VAMP3: variants seen among roughly 807,000 people sequenced by gnomAD.
VAMP3 encodes vesicle associated membrane protein 3, also known as vesicle-associated membrane protein 3.
VAMP3 carries 11 observed loss-of-function variants against 18.1 expected under a neutral mutation model. The observed-to-expected ratio is 0.61, with a 90% confidence interval of 0.38 to 1.00. The LOEUF (loss-of-function observed/expected upper bound fraction) is 1.00. VAMP3 is among the 50% of genes least tolerant of loss of function. The probability of loss-of-function intolerance (pLI) is 0.01; values close to 1 mark genes in which losing one functional copy is unlikely to be tolerated. For synonymous variants in VAMP3, 49 were observed against 43.1 expected (o/e 1.14, Z -0.53); for missense variants, 122 against 127.3 (o/e 0.96, Z 0.20).
rs541088448 is a variant in VAMP3 at position 7,771,369 on chromosome 1, G to A, written c.-15G>A. 1.6e-5 allele frequency: 25 copies of A among 1,592,650 alleles called. No individual in the cohort carries two copies. In the South Asian group the frequency reaches 2.1e-4, roughly 13 times the overall value. ...ACCCTCTCTCGTCGCCGCTGCCGCC[G>A]CCGCAGCTGCCAAAATGTGAGTGAC... On this transcript the variant is annotated 5_prime_UTR_variant, in exon 1 of 5. Transcript: ENST00000054666.
At chr1:7,775,725 T>C (rs1044016022) in intron 2 of VAMP3, among the ~76,000 whole-genome samples, 11 of 152,360 alleles carry the variant, frequency 7.2e-5, no homozygotes, top group South Asian at 4.1e-4. Context: ...TTGTTGTTCT[T>C]GATTTTGGTA....
At chr1:7,779,547 T>C in intron 4 of VAMP3, 79 bp from the exon 5 acceptor site, 2 of 1,594,398 alleles carry the variant, frequency 1.3e-6, no homozygotes, top group Non-Finnish European at 8.6e-7. Context: ...GACTGCAGCA[T>C]TGGATGTTGG....
At chr1:7,771,719 G>A (rs1304519280) in intron 1 of VAMP3, among the ~76,000 whole-genome samples, 1 of 152,224 alleles carries the variant, frequency 6.6e-6, no homozygotes, top group Non-Finnish European at 1.5e-5. Flanking sequence ...GACAGCCCTG[G>A]TTCGGGAGCG....
Position 7,779,789 on chromosome 1 carries a change from CT to C in VAMP3, c.*147del. 1 of 1,158,892 alleles carries C rather than the reference CT, an allele frequency of 8.6e-7. No homozygotes were observed. Among genetic ancestry groups the C allele is most frequent in the Non-Finnish European group, 1.2e-6 (1 of 815,032 alleles). The allele number at this position is 1,158,892 out of a possible 1,614,324, so 71.8% of individuals were successfully genotyped here. ...AAAGTTGAATTTCTAGGAAACGTGCCTTTGTTTTTTAATATGCACTCCAAAT... is the reference window on the plus strand; with the variant it reads ...AAAGTTGAATTTCTAGGAAACGTGCCTTGTTTTTTAATATGCACTCCAAAT... On this transcript the variant is annotated 3_prime_UTR_variant, in exon 5 of 5. Transcript: ENST00000054666.
intron 2 of VAMP3, 72 bp downstream of exon 2, chr1:7,773,583 G>T: frequency 7.0e-7 from 1 of 1,426,084 alleles, no homozygotes; most frequent in Non-Finnish European, 9.8e-7. Flanking sequence ...TTTAGAAAAA[G>T]TATCATCAAA....
At chr1:7,774,928 G>C (rs959787444) in intron 2 of VAMP3, among the ~76,000 whole-genome samples, 3 of 152,226 alleles carry the variant, frequency 2.0e-5, no homozygotes, top group African/African-American at 7.2e-5. Context: ...CCTAGGAGTA[G>C]CATTGCTAGG....
intron 4 of VAMP3, among the ~76,000 whole-genome samples, chr1:7,778,693 A>AT (rs1230786564): frequency 1.3e-5 from 2 of 152,080 alleles, no homozygotes; most frequent in African/African-American, 4.8e-5. Context: ...CTCTGAATAT[A>AT]TTTTTTTCAC....
chr1:7,778,861 CTTGTTTGT>C (rs34599778), intron 4 of VAMP3, among the ~76,000 whole-genome samples: 8 of 151,784 alleles, frequency 5.3e-5, no homozygotes, highest in Non-Finnish European at 8.8e-5. Context: ...TAGTCCCTGT[CTTGTTTGT>C]TTGTTTGTTT....
In VAMP3 at chr1:7,780,963, A is replaced by AT. The variant is rs1283522519; in HGVS notation, c.*1319dup. Reference sequence around the variant, plus strand: ...CAACATCAGGATCCACAGCTTAAAGATGGGAATTCAGGTATGAAAGAAAAC... The same window carrying AT: ...CAACATCAGGATCCACAGCTTAAAGATTGGGAATTCAGGTATGAAAGAAAAC... On this transcript the variant is annotated 3_prime_UTR_variant, in exon 5 of 5. Transcript: ENST00000054666. The AT allele has an allele frequency of 2.6e-5, 4 of 152,758 alleles. No individual in the cohort carries two copies. The highest frequency in any genetic ancestry group is 7.2e-5 in the African/African-American group (3 of 41,466). The allele number at this position is 152,758 out of a possible 1,614,324, so 9.5% of individuals were successfully genotyped here.
chr1:7,771,462 G>A, intron 1 of VAMP3, 77 bp downstream of exon 1: 1 of 1,419,302 alleles, frequency 7.0e-7, no homozygotes. Flanking sequence ...ATACTGCCCA[G>A]TTGCCGCCGG....
chr1:7,778,928 G>A (rs748241680), intron 4 of VAMP3, among the ~76,000 whole-genome samples: 9 of 152,222 alleles, frequency 5.9e-5, no homozygotes, highest in Non-Finnish European at 1.3e-4. Flanking sequence ...GGGCTTGGTG[G>A]CGCACGCCTG....
At chr1:7,778,747 C>T (rs1450901983) in intron 4 of VAMP3, among the ~76,000 whole-genome samples, 3 of 152,112 alleles carry the variant, frequency 2.0e-5, no homozygotes, top group Non-Finnish European at 2.9e-5. Context: ...CATGGAGTGC[C>T]TGTGATCCAT....
At chr1:7,776,968 G>A (rs538436034) in intron 2 of VAMP3, 192 bp from the exon 3 acceptor site, 11 of 445,628 alleles carry the variant, frequency 2.5e-5, no homozygotes, top group African/African-American at 8.0e-5. Context: ...CACCCCTCCC[G>A]GCTGATTTTC....
Position 7,773,310 on chromosome 1 carries a change from G to A in VAMP3, c.3-132G>A, listed in dbSNP as rs528330181. 4.9e-5 allele frequency: 34 copies of A among 698,316 alleles called. 1 individual carries two copies. In the South Asian group the frequency reaches 6.2e-4, roughly 13 times the overall value. 43.3% of individuals were successfully genotyped at this position (698,316 alleles called of 1,614,324 possible). Reference sequence around the variant, plus strand: ...AAACTTTCGTTCATTGCTTCAGGAAGAATTTCTTTTTCTGTTTTAGTTCTA... The same window carrying A: ...AAACTTTCGTTCATTGCTTCAGGAAAAATTTCTTTTTCTGTTTTAGTTCTA... On this transcript the variant is annotated intron_variant, in intron 1 of 4. Coordinates refer to ENST00000054666, the MANE Select transcript of VAMP3 (RefSeq NM_004781.4).
intron 2 of VAMP3, 28 bp from the exon 3 acceptor site, chr1:7,777,132 A>T (rs2097054680): frequency 6.3e-7 from 1 of 1,582,384 alleles, no homozygotes; most frequent in Non-Finnish European, 8.6e-7. Flanking sequence ...TTCTTTGTGC[A>T]TTACTTGCTG....
chr1:7,771,682 C>T (rs1401663950), intron 1 of VAMP3, among the ~76,000 whole-genome samples: 2 of 152,242 alleles, frequency 1.3e-5, no homozygotes, highest in Non-Finnish European at 2.9e-5. Context: ...CTTTCTAGTC[C>T]CCGACGTCCC....
chr1:7,774,329 C>T (rs2097053034), intron 2 of VAMP3, among the ~76,000 whole-genome samples: 1 of 149,880 alleles, frequency 6.7e-6, no homozygotes, highest in Non-Finnish European at 1.5e-5. Flanking sequence ...CCTGGAAATT[C>T]TGTTTACTTA....
At position 7,780,458 on chromosome 1, in the gene VAMP3, T is replaced by G. The variant is rs757282353; in HGVS notation, c.*813T>G. ...TGTGTGTGAACCTTCTACATCTTCA[T>G]AGGCCTTTCTTCCTTTTGAAAGGCT... is the stretch of plus-strand genomic sequence containing the variant. On this transcript the variant is annotated 3_prime_UTR_variant, in exon 5 of 5. Coordinates refer to ENST00000054666, the MANE Select transcript of VAMP3 (RefSeq NM_004781.4). 89 of 152,782 alleles carry G rather than the reference T, an allele frequency of 5.8e-4. No individual in the cohort carries two copies. The highest frequency in any genetic ancestry group is 1.2e-3 in the Non-Finnish European group (79 of 68,044). 9.5% of individuals were successfully genotyped at this position (152,782 alleles called of 1,614,324 possible).
intron 4 of VAMP3, among the ~76,000 whole-genome samples, chr1:7,778,509 G>T (rs2097055480): frequency 6.6e-6 from 1 of 151,868 alleles, no homozygotes; most frequent in Non-Finnish European, 1.5e-5. Context: ...CCTCTAGTCT[G>T]GGTGACAGAG....
Sources: allele counts gnomAD v4.1 joint callset (sites outside exome capture counted in the v4.1 genomes callset), GRCh38; gene constraint gnomAD v4.1.1; transcripts MANE v1.5; gene names NCBI Gene and HGNC (gene_info 2026-07-23, HGNC 2026-07-21).